Variants in PTPRK observed in about 807,000 individuals in gnomAD.
PTPRK encodes receptor-type tyrosine-protein phosphatase kappa.
In PTPRK, 75 loss-of-function variants were observed where a neutral mutation model predicts 178.0. The ratio of observed to expected loss-of-function variants is 0.42; its 90% CI spans 0.35 to 0.51. The LOEUF (loss-of-function observed/expected upper bound fraction) is 0.51, where lower values mean the gene tolerates loss of function less well. Among genes scored for constraint, PTPRK ranks in the 20% least tolerant of loss-of-function variants. The pLI, the probability that PTPRK is intolerant of heterozygous loss-of-function variation, is 0.02. For missense variants in PTPRK, 1,441 were observed against 1,797.8 expected, an observed-to-expected ratio of 0.80 and a Z score of 3.59; for synonymous variants, 637 against 620.6, an observed-to-expected ratio of 1.03 and a Z score of -0.39.
At chr6:128,412,254 T>C (rs1842392591) in intron 1 of PTPRK, among the ~76,000 whole-genome samples, 1 of 152,222 alleles carries the variant, frequency 6.6e-6, no homozygotes, top group Admixed American at 6.5e-5. Flanking sequence ...CCAGGCAATG[T>C]TCTAAGCAAT....
At chr6:128,315,207 G>C (rs1827835980) in intron 3 of PTPRK, among the ~76,000 whole-genome samples, 4 of 152,084 alleles carry the variant, frequency 2.6e-5, no homozygotes, top group Admixed American at 2.6e-4. Context: ...TTGTGATGTT[G>C]TTGCAAAATG....
chr6:128,082,194 A>C (rs1055965710), intron 10 of PTPRK, among the ~76,000 whole-genome samples: 5 of 152,180 alleles, frequency 3.3e-5, no homozygotes, highest in African/African-American at 1.2e-4. Context: ...GATTTTTAAT[A>C]AAGATTTAGT....
At chr6:128,229,077 G>C (rs1811879813) in intron 5 of PTPRK, among the ~76,000 whole-genome samples, 1 of 152,056 alleles carries the variant, frequency 6.6e-6, no homozygotes, top group South Asian at 2.1e-4. Flanking sequence ...ATGCAAAAAA[G>C]GTGTTTCTGA....
chr6:128,449,629 T>C (rs1040851324), intron 1 of PTPRK, among the ~76,000 whole-genome samples: 4 of 152,176 alleles, frequency 2.6e-5, no homozygotes, highest in African/African-American at 4.8e-5. Flanking sequence ...AGGTGCAATT[T>C]TTTAAATTGA....
rs1821756559 is a variant in PTPRK, at chr6:128,282,014, T to C, written c.496-39412A>G. 2.6e-5 allele frequency among the ~76,000 whole-genome samples: 4 copies of C among 152,284 alleles called. No individual in the cohort carries two copies. The South Asian group carries it at 8.3e-4, about 32-fold the overall frequency. ...AAAAAAAAAGAAGGAAGTGATAGCA[T>C]AAGATTAGCAAAGAACTGATTCTCT... On this transcript the variant is annotated intron_variant, in intron 3 of 29. Transcript: ENST00000368226.
At chr6:128,051,903 GT>G (rs926535330) in intron 13 of PTPRK, among the ~76,000 whole-genome samples, 1 of 151,464 alleles carries the variant, frequency 6.6e-6, no homozygotes, top group African/African-American at 2.4e-5. Context: ...TGTTTCTAGT[GT>G]TTTCTGTCTC....
chr6:127,984,996 G>A (rs1187586889), intron 22 of PTPRK, among the ~76,000 whole-genome samples: 2 of 152,030 alleles, frequency 1.3e-5, no homozygotes, highest in Non-Finnish European at 2.9e-5. Context: ...AAATGCTTAG[G>A]TACAACCTAT....
chr6:128,211,239 G>T (rs1378093511), intron 6 of PTPRK, among the ~76,000 whole-genome samples: 2 of 152,072 alleles, frequency 1.3e-5, no homozygotes, highest in Non-Finnish European at 2.9e-5. Flanking sequence ...TTTCTGTCCA[G>T]CTCTCCGTCC....
chr6:128,505,987 T>C (rs892595688), intron 1 of PTPRK, among the ~76,000 whole-genome samples: 3 of 152,176 alleles, frequency 2.0e-5, no homozygotes, highest in Non-Finnish European at 2.9e-5. Flanking sequence ...GAAAATTAAA[T>C]AGCTAGGCAA....
intron 7 of PTPRK, among the ~76,000 whole-genome samples, chr6:128,139,804 T>A (rs2114503921): frequency 6.6e-6 from 1 of 152,164 alleles, no homozygotes; most frequent in African/African-American, 2.4e-5. Context: ...CTTCTCCCAA[T>A]CTAAATGCTG....
intron 1 of PTPRK, among the ~76,000 whole-genome samples, chr6:128,472,014 A>AG (rs1004897994): frequency 6.6e-6 from 1 of 151,930 alleles, no homozygotes; most frequent in African/African-American, 2.4e-5. Flanking sequence ...AGGAAAAGAG[A>AG]GGGGGGAAAG....
At chr6:128,233,659 G>T (rs137916411) in intron 5 of PTPRK, among the ~76,000 whole-genome samples, 1 of 152,194 alleles carries the variant, frequency 6.6e-6, no homozygotes, top group Non-Finnish European at 1.5e-5. Context: ...CACCAAGGGC[G>T]AAGCGGTGGC....
At chr6:127,991,498 T>C (rs1399266505) in intron 19 of PTPRK, 107 bp from the exon 20 acceptor site, 12 of 705,346 alleles carry the variant, frequency 1.7e-5, no homozygotes, top group Non-Finnish European at 2.5e-5. Flanking sequence ...CCAAAAAAGG[T>C]CTAACACAAA....
At chr6:127,984,170 T>C (rs1187649811) in intron 22 of PTPRK, among the ~76,000 whole-genome samples, 4 of 152,318 alleles carry the variant, frequency 2.6e-5, no homozygotes, top group Non-Finnish European at 5.9e-5. Flanking sequence ...TTAATACACA[T>C]AATGTAGAGT....
intron 2 of PTPRK, among the ~76,000 whole-genome samples, chr6:128,386,791 G>A (rs908309788): frequency 1.8e-4 from 27 of 152,320 alleles, no homozygotes; most frequent in African/African-American, 3.6e-4. Flanking sequence ...AAACGGGCTG[G>A]GTGCAGTGGC....
At chr6:128,011,278 G>A (rs979128511) in intron 13 of PTPRK, among the ~76,000 whole-genome samples, 4 of 150,996 alleles carry the variant, frequency 2.6e-5, no homozygotes. Context: ...CTTTCTTCAG[G>A]TTCTATGAGA....
At chr6:128,347,158 T>C (rs772124645) in intron 2 of PTPRK, among the ~76,000 whole-genome samples, 19 of 152,120 alleles carry the variant, frequency 1.2e-4, no homozygotes, top group Admixed American at 9.8e-4. Flanking sequence ...GAAACAATAA[T>C]ACAAATTTCT....
intron 7 of PTPRK, among the ~76,000 whole-genome samples, chr6:128,100,148 C>T (rs1218052351): frequency 6.6e-6 from 1 of 151,874 alleles, no homozygotes; most frequent in Non-Finnish European, 1.5e-5. Flanking sequence ...GCAAATAAAC[C>T]TGCCTTAGAC....
At chr6:128,227,770 C>T (rs9402024) in intron 5 of PTPRK, among the ~76,000 whole-genome samples, 6 of 151,734 alleles carry the variant, frequency 4.0e-5, no homozygotes, top group African/African-American at 9.7e-5. Flanking sequence ...AAACATATTA[C>T]GGAAATGATT....
Sources: allele counts gnomAD v4.1 joint callset (sites outside exome capture counted in the v4.1 genomes callset), GRCh38; gene constraint gnomAD v4.1.1; transcripts MANE v1.5; gene names NCBI Gene and HGNC (gene_info 2026-07-23, HGNC 2026-07-21).